The following MMS22L variants were observed in gnomAD, a reference collection of about 807,000 sequenced individuals.
The protein encoded by MMS22L is MMS22 like, DNA repair protein.
A neutral mutation model predicts 159.1 loss-of-function variants in MMS22L; 74 were observed. That is an observed-to-expected ratio of 0.47 (90% CI 0.39 to 0.56). The LOEUF (loss-of-function observed/expected upper bound fraction) is 0.56, where lower values mean the gene tolerates loss of function less well. MMS22L is among the 20% of genes least tolerant of loss of function. The probability of loss-of-function intolerance (pLI) is 0.00; values close to 1 mark genes in which losing one functional copy is unlikely to be tolerated. For synonymous variants in MMS22L, 517 were observed against 506.9 expected, an observed-to-expected ratio of 1.02 and a Z score of -0.27; for missense variants, 1,351 against 1,422.1, an observed-to-expected ratio of 0.95 and a Z score of 0.80.
intron 12 of MMS22L, among the ~76,000 whole-genome samples, chr6:97,232,935 A>G (rs999357916): frequency 1.1e-4 from 16 of 152,044 alleles, no homozygotes; most frequent in Non-Finnish European, 2.2e-4. Flanking sequence ...TTAAATTTTC[A>G]ATCTTCCAAA....
At chr6:97,253,848 T>C (rs963137848) in intron 10 of MMS22L, 4 of 152,240 alleles carry the variant, frequency 2.6e-5, no homozygotes, top group Non-Finnish European at 4.4e-5. Flanking sequence ...TTTGAAAATA[T>C]AGACAAGTTG....
intron 22 of MMS22L, among the ~76,000 whole-genome samples, chr6:97,154,869 G>A (rs1032742667): frequency 1.3e-5 from 2 of 152,214 alleles, no homozygotes; most frequent in African/African-American, 4.8e-5. Context: ...TTTGTAACAT[G>A]TTTTGAAATC....
At chr6:97,199,093 C>G (rs77947751) in intron 14 of MMS22L, among the ~76,000 whole-genome samples, 2 of 152,122 alleles carry the variant, frequency 1.3e-5, no homozygotes, top group African/African-American at 4.8e-5. Context: ...CACTGCTACC[C>G]TCTAATGACA....
chr6:97,282,480 T>C lies in MMS22L; in HGVS notation c.-3A>G, dbSNP rs1391107792. On this transcript the variant is annotated 5_prime_UTR_variant, in exon 2 of 25. Transcript: ENST00000683635. ...GATGCAGCAGAACAGTTCTCCATTG[T>C]TTACTTCATGTTCTGAAACACTTGG... 3 of 1,605,252 alleles carry C rather than the reference T, an allele frequency of 1.9e-6. No individual in the cohort carries two copies. The highest frequency in any genetic ancestry group is 1.7e-5 in the Admixed American group (1 of 59,118).
intron 13 of MMS22L, 54 bp from the exon 14 acceptor site, chr6:97,229,457 T>C: frequency 7.7e-7 from 1 of 1,305,750 alleles, no homozygotes; most frequent in Non-Finnish European, 1.0e-6. Flanking sequence ...CAAAAATCTG[T>C]ATCTCTTAAA....
rs1184674267 is a variant in MMS22L, at chr6:97,165,286, G to A, written c.3181C>T (p.Pro1061Ser). 6.2e-7 allele frequency: 1 copy of A among 1,613,064 alleles called. No homozygotes were observed. The highest frequency in any genetic ancestry group is 8.5e-7 in the Non-Finnish European group (1 of 1,179,514). The part of the protein sequence containing the change: ...LALRNTATIP[P>S]ISSLKKCIVQ... ...ATGCATTTCTTTAGAGATGATATTG[G>A]TGGAATAGTGGCTGTGTTTCTCAAT... Residue 1061 changes from proline to serine, a missense_variant, in exon 21 of 25, where the codon CCA becomes TCA. Physicochemically the swap from Pro to Ser is moderately conservative, Grantham distance 74. Transcript: ENST00000683635.
chr6:97,213,676 A>T lies in MMS22L; in HGVS notation c.2039+15218T>A, dbSNP rs537753950. ...GATACATAAATTTGATAATATAAAA[A>T]TGTAAAAGAGAGGCATTAAAAACTC... is the stretch of plus-strand genomic sequence containing the variant. On this transcript the variant is annotated intron_variant, in intron 14 of 24. Coordinates refer to ENST00000683635, the MANE Select transcript of MMS22L (RefSeq NM_001350599.2). 2.7e-3 allele frequency among the ~76,000 whole-genome samples: 411 copies of T among 152,306 alleles called. 1 individual carries two copies. The highest frequency in any genetic ancestry group is 9.6e-3 in the African/African-American group (400 of 41,568).
At chr6:97,275,476 G>A (rs372984823) in intron 4 of MMS22L, among the ~76,000 whole-genome samples, 2 of 152,166 alleles carry the variant, frequency 1.3e-5, no homozygotes, top group South Asian at 4.1e-4. Context: ...GCAGTAAGCC[G>A]AGATGGCGCC....
In MMS22L at chr6:97,186,382, C is replaced by G. The variant is rs73758127; in HGVS notation, c.2233+115G>C. On this transcript the variant is annotated intron_variant, in intron 15 of 24. Transcript: ENST00000683635. ...TTTATTAATATGTAATTTGTTTCATCTTTCTGGCTGACAAAATGTTTGCTA... is the reference window on the plus strand; with the variant it reads ...TTTATTAATATGTAATTTGTTTCATGTTTCTGGCTGACAAAATGTTTGCTA... The G allele has an allele frequency of 4.6e-3, 3,425 of 749,724 alleles. 93 individuals carry two copies. In the African/African-American group the frequency reaches 0.057, roughly 13 times the overall value. 46.4% of individuals were successfully genotyped at this position (749,724 alleles called of 1,614,324 possible).
intron 6 of MMS22L, chr6:97,270,811 C>A (rs996419677): frequency 3.9e-5 from 6 of 151,912 alleles, no homozygotes; most frequent in Admixed American, 3.9e-4. Flanking sequence ...ATGGGTCATT[C>A]AATAAAAAAT....
In MMS22L at chr6:97,162,115, G is replaced by T; in HGVS notation, c.3272C>A (p.Ser1091Tyr). The T allele has an allele frequency of 6.2e-7, 1 of 1,611,180 alleles. No individual in the cohort carries two copies. The change falls in exon 22 of 25, where the codon TCC (serine) becomes TAC (tyrosine). Residue 1091 changes from serine (S) to tyrosine (Y), a missense_variant. Coordinates refer to ENST00000683635, the MANE Select transcript of MMS22L (RefSeq NM_001350599.2). Reference protein sequence around the residue: ...KGSSPPPRLASILAFILQLFK... With the variant: ...KGSSPPPRLAYILAFILQLFK... ...GAGTTGGAGGATGAAGGCCAGAATG[G>T]ATGCTAAGCGAGGAGGAGGTGAGGA...
intron 7 of MMS22L, among the ~76,000 whole-genome samples, chr6:97,268,730 C>A (rs1425448105): frequency 1.3e-5 from 2 of 151,872 alleles, no homozygotes; most frequent in East Asian, 3.9e-4. Flanking sequence ...AATAGATAAC[C>A]AAAATTTTTA....
chr6:97,230,477 A>G (rs564057400), intron 13 of MMS22L: 1 of 152,064 alleles, frequency 6.6e-6, no homozygotes, highest in Non-Finnish European at 1.5e-5. Flanking sequence ...TTAAATGTTT[A>G]TAAATACTTA....
chr6:97,151,565 T>C (rs1418744739), intron 23 of MMS22L: 2 of 484,842 alleles, frequency 4.1e-6, no homozygotes, highest in East Asian at 7.4e-5. Context: ...TAATTTTAAG[T>C]CCCCTCACTT....
chr6:97,203,796 A>G (rs1040198805), intron 14 of MMS22L, among the ~76,000 whole-genome samples: 8 of 152,220 alleles, frequency 5.3e-5, no homozygotes, highest in Admixed American at 1.3e-4. Context: ...TTGGAGAAAT[A>G]TAATGATTGT....
chr6:97,156,499 G>A (rs1801862150), intron 22 of MMS22L, among the ~76,000 whole-genome samples: 1 of 152,154 alleles, frequency 6.6e-6, no homozygotes, highest in African/African-American at 2.4e-5. Flanking sequence ...TTTGTGTAAG[G>A]TGTAAGGAAT....
intron 22 of MMS22L, among the ~76,000 whole-genome samples, chr6:97,155,877 T>C (rs977569957): frequency 2.6e-5 from 4 of 152,198 alleles, no homozygotes; most frequent in African/African-American, 9.6e-5. Context: ...TCAAATGGTA[T>C]TTCTAGTTCT....
At chr6:97,164,447 C>T in intron 21 of MMS22L, among the ~76,000 whole-genome samples, 1 of 151,812 alleles carries the variant, frequency 6.6e-6, no homozygotes, top group South Asian at 2.1e-4. Flanking sequence ...TATTACTGAA[C>T]TTTCTAATGT....
At chr6:97,230,825 G>C (rs1471974353) in intron 13 of MMS22L, 2 of 152,550 alleles carry the variant, frequency 1.3e-5, no homozygotes, top group Non-Finnish European at 2.9e-5. Context: ...TACTCACTGT[G>C]GGACTCAAAC....
Sources: allele counts gnomAD v4.1 joint callset (sites outside exome capture counted in the v4.1 genomes callset), GRCh38; gene constraint gnomAD v4.1.1; transcripts MANE v1.5; gene names NCBI Gene and HGNC (gene_info 2026-07-23, HGNC 2026-07-21).